TXNDC8: variants seen among roughly 807,000 people sequenced by gnomAD.
TXNDC8 encodes thioredoxin domain-containing protein 8.
Under a neutral mutation model 12.9 loss-of-function variants are expected in TXNDC8, and 15 were observed. The observed-to-expected ratio is 1.16, with a 90% CI of 0.78 to 1.79. TXNDC8 has a LOEUF of 1.79. Ranked by LOEUF, TXNDC8 falls within the 40% of genes most tolerant of loss-of-function variation. The pLI, the probability that TXNDC8 is intolerant of heterozygous loss-of-function variation, is 0.00. For synonymous variants in TXNDC8, 40 were observed against 35.4 expected (o/e 1.13, Z -0.46); for missense variants, 128 against 113.2 (o/e 1.13, Z -0.59).
chr9:110,307,583 G>C (rs1415364547), intron 3 of TXNDC8, among the ~76,000 whole-genome samples: 1 of 152,048 alleles, frequency 6.6e-6, no homozygotes, highest in African/African-American at 2.4e-5. Flanking sequence ...AATAAATCTT[G>C]GGGTCCCCAA....
chr9:110,334,250 C>T lies in TXNDC8; in HGVS notation c.95G>A (p.Cys32Tyr). The T allele has an allele frequency of 6.2e-7, 1 of 1,613,822 alleles. No individual in the cohort carries two copies. The highest frequency in any genetic ancestry group is 8.5e-7 in the Non-Finnish European group (1 of 1,179,762). The change falls in exon 2 of 5, where the codon TGT becomes TAT. Residue 32 changes from cysteine (C) to tyrosine (Y), a missense_variant. By Grantham distance (194) the Cys-to-Tyr change is radical. Coordinates refer to ENST00000423740, the MANE Select transcript of TXNDC8 (RefSeq NM_001286946.2). Reference sequence around the variant, plus strand: ...AGGAAACATCCTTTTGCAGGGACCACACCGTTTCGAAGAAAATTGAACCAC... The same window carrying T: ...AGGAAACATCCTTTTGCAGGGACCATACCGTTTCGAAGAAAATTGAACCAC...
intron 3 of TXNDC8, among the ~76,000 whole-genome samples, chr9:110,307,783 C>T (rs1276246662): frequency 6.6e-6 from 1 of 152,216 alleles, no homozygotes; most frequent in East Asian, 1.9e-4. Context: ...GAAGCCCCCT[C>T]CCCGCTTCAA....
chr9:110,311,287 C>T (rs1036389259), intron 3 of TXNDC8, among the ~76,000 whole-genome samples: 7 of 151,548 alleles, frequency 4.6e-5, no homozygotes, highest in Admixed American at 6.6e-5. Flanking sequence ...ACAAACTCAT[C>T]ATAATTGAGA....
At chr9:110,311,671 T>A (rs1171872814) in intron 3 of TXNDC8, among the ~76,000 whole-genome samples, 1 of 114,720 alleles carries the variant, frequency 8.7e-6, no homozygotes, top group Non-Finnish European at 1.7e-5. Flanking sequence ...AGTAATATAG[T>A]ATATCCTTAT....
chr9:110,304,325 GT>G (rs1226161235), intron 4 of TXNDC8, 141 bp downstream of exon 5: 1 of 664,634 alleles, frequency 1.5e-6, no homozygotes, highest in Non-Finnish European at 2.5e-6. Context: ...TTACTGCCCG[GT>G]GTGCTGCAGG....
chr9:110,337,081 C>G (rs542078329), intron 1 of TXNDC8, among the ~76,000 whole-genome samples: 9 of 152,222 alleles, frequency 5.9e-5, no homozygotes, highest in Non-Finnish European at 1.2e-4. Flanking sequence ...TTTTTGTGAT[C>G]TGTATAGCCA....
In TXNDC8 at chr9:110,321,499, C is replaced by T. The variant is rs568530013; in HGVS notation, c.195+4676G>A. Among the ~76,000 whole-genome samples the T allele has an allele frequency of 2.2e-4, 34 of 152,204 alleles. No homozygotes were observed. The East Asian group carries it at 6.0e-3, about 27-fold the overall frequency. ...GTTTTATCAGAAATGTAAGACATTT[C>T]TTGTAAGAAGCCTTAATAGGAACTG... On this transcript the variant is annotated intron_variant, in intron 3 of 4. Coordinates refer to ENST00000423740, the MANE Select transcript of TXNDC8 (RefSeq NM_001286946.2).
chr9:110,334,195 A>G, intron 2 of TXNDC8, 21 bp downstream of exon 2: 1 of 1,568,378 alleles, frequency 6.4e-7, no homozygotes, highest in Non-Finnish European at 8.7e-7. Flanking sequence ...AAACTATGAG[A>G]TATATACTGG....
chr9:110,312,585 T>C (rs892317428), intron 3 of TXNDC8, among the ~76,000 whole-genome samples: 1 of 152,220 alleles, frequency 6.6e-6, no homozygotes, highest in Non-Finnish European at 1.5e-5. Context: ...AATCCATCTA[T>C]GGCTGGGCTC....
At chr9:110,326,065 A>G in intron 3 of TXNDC8, 110 bp downstream of exon 4, 1 of 1,037,876 alleles carries the variant, frequency 9.6e-7, no homozygotes. Flanking sequence ...ATTGGTAAGC[A>G]TTAAAAATAA....
intron 3 of TXNDC8, among the ~76,000 whole-genome samples, chr9:110,311,520 G>GATATATAT (rs1564095989): frequency 1.8e-4 from 3 of 16,534 alleles, no homozygotes; most frequent in African/African-American, 5.7e-4. Context: ...AAAATAAAGA[G>GATATATAT]GTATATATAT....
intron 3 of TXNDC8, among the ~76,000 whole-genome samples, chr9:110,310,506 T>G (rs548575808): frequency 2.9e-4 from 44 of 152,324 alleles, no homozygotes; most frequent in African/African-American, 1.1e-3. Context: ...TCTACCGGCA[T>G]GCCTAATACA....
Position 110,326,204 on chromosome 9 carries a change from TG to T in TXNDC8, c.165del (p.Thr56HisfsTer11). ...TGGCTTTTCTTGAACATCTGAAATG[TG>T]GGTATTGTTTTGATGTGACAAGTTT... On this transcript the variant is annotated frameshift_variant, in exon 3 of 5. Coordinates refer to ENST00000423740, the MANE Select transcript of TXNDC8 (RefSeq NM_001286946.2). LOFTEE classifies it high-confidence loss of function. 1 of 1,613,992 alleles carries T rather than the reference TG, an allele frequency of 6.2e-7. No individual in the cohort carries two copies. The highest frequency in any genetic ancestry group is 8.5e-7 in the Non-Finnish European group (1 of 1,179,952).
chr9:110,321,794 G>T, intron 3 of TXNDC8, among the ~76,000 whole-genome samples: 1 of 152,028 alleles, frequency 6.6e-6, no homozygotes, highest in East Asian at 1.9e-4. Context: ...GCCTCCTCTG[G>T]TTCTAGTGAC....
intron 3 of TXNDC8, among the ~76,000 whole-genome samples, chr9:110,319,170 C>T (rs911637425): frequency 5.9e-5 from 9 of 152,118 alleles, no homozygotes; most frequent in Non-Finnish European, 1.3e-4. Context: ...GAGTCCTGCA[C>T]GTAAGAGGTT....
chr9:110,329,046 T>A (rs1839448646), intron 2 of TXNDC8, among the ~76,000 whole-genome samples, 186 bp downstream of exon 3: 1 of 152,192 alleles, frequency 6.6e-6, no homozygotes, highest in Non-Finnish European at 1.5e-5. Context: ...CTAATCTTTT[T>A]TTTTGTTTTT....
At chr9:110,325,663 G>T (rs898174617) in intron 3 of TXNDC8, among the ~76,000 whole-genome samples, 2 of 152,044 alleles carry the variant, frequency 1.3e-5, no homozygotes, top group African/African-American at 4.8e-5. Context: ...TGGGACTACA[G>T]GCGCCCGCCA....
chr9:110,333,800 TC>T (rs1200830631), intron 2 of TXNDC8, among the ~76,000 whole-genome samples: 2 of 152,252 alleles, frequency 1.3e-5, no homozygotes, highest in African/African-American at 4.8e-5. Flanking sequence ...TATGGTTTGT[TC>T]TGATAATAAG....
At chr9:110,302,523 G>A (rs547365086), downstream of TXNDC8, among the ~76,000 whole-genome samples, 6 of 152,244 alleles carry the variant, frequency 3.9e-5, no homozygotes, top group African/African-American at 1.2e-4. Context: ...GCTCCACTCT[G>A]TCTATGACTT....
Sources: gnomAD v4.1 joint callset for allele counts (sites outside exome capture counted in the v4.1 genomes callset) on GRCh38, gnomAD v4.1.1 for gene constraint, MANE v1.5 for transcripts, NCBI Gene and HGNC (gene_info 2026-07-23, HGNC 2026-07-21) for gene names.